Variants in FAM91A1 observed in about 807,000 individuals in gnomAD.
The protein encoded by FAM91A1 is protein FAM91A1.
In FAM91A1, 41 loss-of-function variants were observed where a neutral mutation model predicts 113.5. The ratio of observed to expected loss-of-function variants is 0.36; its 90% CI spans 0.28 to 0.47. FAM91A1 has a LOEUF of 0.47. FAM91A1 is among the 20% of genes least tolerant of loss of function. The pLI is 1.00. For synonymous variants in FAM91A1, 307 were observed against 347.9 expected (o/e 0.88, Z 1.31); for missense variants, 696 against 1,001.2 (o/e 0.70, Z 4.11).
intron 15 of FAM91A1, among the ~76,000 whole-genome samples, chr8:123,796,243 T>C (rs997493145): frequency 6.6e-6 from 1 of 152,116 alleles, no homozygotes; most frequent in African/African-American, 2.4e-5. Flanking sequence ...GGAAGAGAAC[T>C]CTAATAGAAC....
At chr8:123,807,480 C>CAAAAAAAAAAAAAAA (rs546080328) in intron 20 of FAM91A1, among the ~76,000 whole-genome samples, 2 of 58,938 alleles carry the variant, frequency 3.4e-5, no homozygotes, top group African/African-American at 5.6e-5. Context: ...CCTGTCTCTA[C>CAAAAAAAAAAAAAAA]AAAAAAAAAA....
chr8:123,805,689 T>A (rs1438594598), intron 19 of FAM91A1, among the ~76,000 whole-genome samples: 1 of 152,218 alleles, frequency 6.6e-6, no homozygotes, highest in Non-Finnish European at 1.5e-5. Flanking sequence ...AATAATTGTT[T>A]ACCTGGAGAT....
In FAM91A1 at chr8:123,813,845, A is replaced by T. The variant is rs1418401246; in HGVS notation, c.*1141A>T. 6.2e-6 allele frequency: 1 copy of T among 160,984 alleles called. No homozygotes were observed. Among genetic ancestry groups the T allele is most frequent in the African/African-American group, 2.4e-5 (1 of 41,484 alleles). The allele number at this position is 160,984 out of a possible 1,614,324, so 10.0% of individuals were successfully genotyped here. A position where few individuals can be genotyped will look rare whatever the true frequency, so the allele number is the denominator to read the frequency against. On this transcript the variant is annotated 3_prime_UTR_variant, in exon 24 of 24. Transcript: ENST00000334705. ...TATAGTTTAGTTTAGCTCCTCTTAC[A>T]GGGTAATGGTTTGCTAGTTTAAAAC... is the stretch of plus-strand genomic sequence containing the variant.
At chr8:123,801,089 T>C (rs1451501175) in intron 18 of FAM91A1, among the ~76,000 whole-genome samples, 1 of 152,194 alleles carries the variant, frequency 6.6e-6, no homozygotes, top group African/African-American at 2.4e-5. Context: ...GTTTAAGCAT[T>C]TAAGGAACTG....
At position 123,784,725 on chromosome 8, in the gene FAM91A1, C is replaced by T. The variant is rs1427492090; in HGVS notation, c.810+149C>T. The T allele has an allele frequency of 4.4e-5, 21 of 475,156 alleles. No homozygotes were observed. The South Asian group carries it at 5.0e-4, about 11-fold the overall frequency. 29.4% of individuals were successfully genotyped at this position (475,156 alleles called of 1,614,324 possible). A position where few individuals can be genotyped will look rare whatever the true frequency, so the allele number is the denominator to read the frequency against. ...TACACTTAAATGTCATTATTCTTAA[C>T]GTTCTTATAAATGTATATTAAAATT... On this transcript the variant is annotated intron_variant, in intron 9 of 23. Coordinates refer to ENST00000334705, the MANE Select transcript of FAM91A1 (RefSeq NM_144963.4).
chr8:123,780,293 A>G (rs552968597), intron 7 of FAM91A1, among the ~76,000 whole-genome samples, 187 bp from the exon 8 acceptor site: 24 of 152,162 alleles, frequency 1.6e-4, no homozygotes, highest in Non-Finnish European at 2.6e-4. Context: ...AAAATTTTGT[A>G]CTTCAGAGTA....
At chr8:123,778,599 G>A in intron 5 of FAM91A1, 60 bp from the exon 6 acceptor site, 1 of 1,129,336 alleles carries the variant, frequency 8.9e-7, no homozygotes, top group Non-Finnish European at 1.3e-6. Flanking sequence ...TGATATGATT[G>A]ATGAAAGAAG....
In FAM91A1 at chr8:123,812,775, C is replaced by T; in HGVS notation, c.*71C>T. ...CTTAACGTTAGCTTTATAGTGTCAG[C>T]CACTAAAAAGCATCCTGCTGCTGCA... On this transcript the variant is annotated 3_prime_UTR_variant, in exon 24 of 24. Coordinates refer to ENST00000334705, the MANE Select transcript of FAM91A1 (RefSeq NM_144963.4). 8.0e-7 allele frequency: 1 copy of T among 1,255,476 alleles called. No individual in the cohort carries two copies. Among genetic ancestry groups the T allele is most frequent in the Non-Finnish European group, 1.1e-6 (1 of 939,022 alleles). The allele number at this position is 1,255,476 out of a possible 1,614,324, so 77.8% of individuals were successfully genotyped here. A position where few individuals can be genotyped will look rare whatever the true frequency, so the allele number is the denominator to read the frequency against.
At chr8:123,770,414 A>G (rs1814812141) in intron 1 of FAM91A1, among the ~76,000 whole-genome samples, 1 of 152,214 alleles carries the variant, frequency 6.6e-6, no homozygotes, top group South Asian at 2.1e-4. Flanking sequence ...AAGAACTTGA[A>G]TTCTTGGGTG....
intron 17 of FAM91A1, 31 bp downstream of exon 17, chr8:123,799,685 A>ATG (rs1317695227): frequency 6.2e-7 from 1 of 1,612,592 alleles, no homozygotes; most frequent in Non-Finnish European, 8.5e-7. Context: ...TGGTTTTTTT[A>ATG]TGTGTGTGTG....
chr8:123,814,460 A>G lies in FAM91A1; in HGVS notation c.*1756A>G, dbSNP rs187008208. 1.2e-4 allele frequency: 21 copies of G among 168,400 alleles called. No homozygotes were observed. The Admixed American group carries it at 1.3e-3, about 10-fold the overall frequency. The allele number at this position is 168,400 out of a possible 1,614,324, so 10.4% of individuals were successfully genotyped here. A position where few individuals can be genotyped will look rare whatever the true frequency, so the allele number is the denominator to read the frequency against. On this transcript the variant is annotated 3_prime_UTR_variant, in exon 24 of 24. Transcript: ENST00000334705. ...AACCAACTGTAATGACATGTACACT[A>G]ATACAGAATTGAACATTTGTAGTTG...
At chr8:123,802,727 T>C (rs1815718039) in intron 18 of FAM91A1, among the ~76,000 whole-genome samples, 1 of 152,170 alleles carries the variant, frequency 6.6e-6, no homozygotes, top group African/African-American at 2.4e-5. Context: ...GATAGCATCA[T>C]AGAATGGGCT....
In FAM91A1 at chr8:123,785,717, A is replaced by G. The variant is rs764887456; in HGVS notation, c.938A>G (p.Asn313Ser). The G allele has an allele frequency of 1.9e-6, 3 of 1,607,780 alleles. No individual in the cohort carries two copies. The highest frequency in any genetic ancestry group is 1.7e-5 in the Admixed American group (1 of 58,392). ...GATCAACTTCATTCATCATGGAAGA[A>G]TGTTCCATCCGTAAACAGATTAAAG... ...NLDQLHSSWK[N>S]VPSVNRLKST... The change falls in exon 11 of 24, where the codon AAT becomes AGT. Residue 313 changes from asparagine (N) to serine (S), a missense_variant. Transcript: ENST00000334705.
Position 123,780,043 on chromosome 8 carries a change from T to C in FAM91A1, c.608T>C (p.Leu203Pro), listed in dbSNP as rs749743688. 1.2e-6 allele frequency: 2 copies of C among 1,613,618 alleles called. No homozygotes were observed. Among genetic ancestry groups the C allele is most frequent in the Non-Finnish European group, 1.7e-6 (2 of 1,179,676 alleles). ...VDKIIDSGPQ[L>P]SGSLDYNVVH... ...AAGATCATCGATTCAGGCCCTCAAC[T>C]CTCTGGATCACTAGATTACAATGTA... The change falls in exon 7 of 24, where the codon CTC becomes CCC. Residue 203 changes from leucine to proline, a missense_variant. Physicochemically the swap from Leu to Pro is moderately conservative, Grantham distance 98. Transcript: ENST00000334705.
At chr8:123,796,965 G>A (rs2130124089) in intron 15 of FAM91A1, among the ~76,000 whole-genome samples, 1 of 151,952 alleles carries the variant, frequency 6.6e-6, no homozygotes, top group East Asian at 2.0e-4. Context: ...GGAGGCTGAG[G>A]CAGGAGAATC....
chr8:123,812,935 A>G lies in FAM91A1; in HGVS notation c.*231A>G, dbSNP rs1428189560. ...GCACTGTATTTTTTACCTTGAGACAATCTGCATTTCTTTTATAAAACTAAG... is the reference window on the plus strand; with the variant it reads ...GCACTGTATTTTTTACCTTGAGACAGTCTGCATTTCTTTTATAAAACTAAG... On this transcript the variant is annotated 3_prime_UTR_variant, in exon 24 of 24. Transcript: ENST00000334705. 5.4e-6 allele frequency: 2 copies of G among 369,322 alleles called. No homozygotes were observed. The highest frequency in any genetic ancestry group is 9.1e-5 in the Admixed American group (2 of 21,904). The allele number at this position is 369,322 out of a possible 1,614,324, so 22.9% of individuals were successfully genotyped here.
At chr8:123,774,436 G>A (rs937717340) in intron 2 of FAM91A1, among the ~76,000 whole-genome samples, 4 of 151,784 alleles carry the variant, frequency 2.6e-5, no homozygotes, top group Non-Finnish European at 4.4e-5. Context: ...TTTTGCCTGA[G>A]GTAAGAAAAT....
In FAM91A1 at chr8:123,777,277, A is replaced by C; in HGVS notation, c.322A>C (p.Ser108Arg). The C allele has an allele frequency of 6.2e-7, 1 of 1,609,628 alleles. No homozygotes were observed. The highest frequency in any genetic ancestry group is 8.5e-7 in the Non-Finnish European group (1 of 1,177,796). ...TTCTTTTTAAAAGGATATTATGAAC[A>C]GTGAGAAAAGTTATGATTCATTGCC... ...YTGIMEDIMN[S>R]EKSYDSLPNF... Residue 108 changes from serine (S) to arginine (R), a missense_variant, in exon 4 of 24, where the codon AGT becomes CGT. By Grantham distance (110) the Ser-to-Arg change is moderately radical (BLOSUM62 -1). Transcript: ENST00000334705.
At chr8:123,778,950 C>T (rs1213707272) in intron 6 of FAM91A1, among the ~76,000 whole-genome samples, 178 bp downstream of exon 6, 1 of 152,056 alleles carries the variant, frequency 6.6e-6, no homozygotes, top group African/African-American at 2.4e-5. Context: ...TTGAGATACT[C>T]TTTAATGGTG....
Sources: gnomAD v4.1 joint callset for allele counts (sites outside exome capture counted in the v4.1 genomes callset) on GRCh38, gnomAD v4.1.1 for gene constraint, MANE v1.5 for transcripts, NCBI Gene and HGNC (gene_info 2026-07-23, HGNC 2026-07-21) for gene names.